Variants in GMDS observed in about 807,000 individuals in gnomAD.
GMDS encodes the protein GDP-mannose 4,6-dehydratase.
In GMDS, 20 loss-of-function variants were observed where a neutral mutation model predicts 49.9. The ratio of observed to expected loss-of-function variants is 0.40; its 90% confidence interval spans 0.28 to 0.58. The LOEUF is 0.58. Among genes scored for constraint, GMDS ranks in the 20% least tolerant of loss-of-function variants. The pLI, the probability that GMDS is intolerant of heterozygous loss-of-function variation, is 0.42. For synonymous variants in GMDS, 177 were observed against 178.6 expected (o/e 0.99, Z 0.07); for missense variants, 362 against 481.4 (o/e 0.75, Z 2.32).
intron 1 of GMDS, among the ~76,000 whole-genome samples, chr6:2,170,435 G>A (rs1052408000): frequency 6.6e-4 from 100 of 152,138 alleles, no homozygotes; most frequent in African/African-American, 2.3e-3. Flanking sequence ...AGACCAGCCT[G>A]AGCAACACAG....
intron 7 of GMDS, among the ~76,000 whole-genome samples, chr6:1,884,060 A>C (rs1361116399): frequency 6.6e-6 from 1 of 152,192 alleles, no homozygotes; most frequent in Admixed American, 6.5e-5. Context: ...TCAGAGCGAG[A>C]GCCTCAATGT....
chr6:2,167,587 T>C (rs984486028), intron 1 of GMDS, among the ~76,000 whole-genome samples: 3 of 152,122 alleles, frequency 2.0e-5, no homozygotes, highest in African/African-American at 7.2e-5. Flanking sequence ...AGACATACGA[T>C]GCCCTTATGA....
intron 7 of GMDS, among the ~76,000 whole-genome samples, chr6:1,769,453 G>C (rs1338288343): frequency 2.0e-5 from 3 of 152,220 alleles, no homozygotes; most frequent in Non-Finnish European, 4.4e-5. Context: ...AGGAAGCACA[G>C]GGATGGAATT....
chr6:2,110,489 T>G (rs1036500394), intron 4 of GMDS, among the ~76,000 whole-genome samples: 1 of 152,114 alleles, frequency 6.6e-6, no homozygotes, highest in Non-Finnish European at 1.5e-5. Context: ...CCTCCTAGAT[T>G]CTAACTTCGT....
At position 1,624,152 on chromosome 6, in the gene GMDS, G is replaced by A; in HGVS notation, c.*17C>T. On this transcript the variant is annotated 3_prime_UTR_variant, in exon 11 of 11. Transcript: ENST00000380815. ...GGGGATTGTAGCCGGAGGGCGGGCC[G>A]GGCTCCGAGGCGCTGCTCAGGCATT... The A allele has an allele frequency of 3.1e-6, 5 of 1,604,454 alleles. No individual in the cohort carries two copies. The highest frequency in any genetic ancestry group is 4.2e-6 in the Non-Finnish European group (5 of 1,178,010).
At chr6:1,959,454 A>T (rs1440360775) in intron 6 of GMDS, among the ~76,000 whole-genome samples, 1 of 152,214 alleles carries the variant, frequency 6.6e-6, no homozygotes, top group East Asian at 1.9e-4. Context: ...AGAATACCAA[A>T]TATCTAACCA....
At chr6:1,779,344 G>C (rs904782709) in intron 7 of GMDS, among the ~76,000 whole-genome samples, 2 of 152,194 alleles carry the variant, frequency 1.3e-5, no homozygotes, top group African/African-American at 2.4e-5. Flanking sequence ...AAGTGCTCCT[G>C]TGGCATCCTG....
chr6:1,794,399 T>G (rs112307213), intron 7 of GMDS, among the ~76,000 whole-genome samples: 2 of 151,878 alleles, frequency 1.3e-5, no homozygotes, highest in Admixed American at 6.6e-5. Flanking sequence ...CAAAGACACA[T>G]GTATATCAGC....
chr6:2,115,705 C>T, intron 4 of GMDS, 66 bp downstream of exon 4: 1 of 824,392 alleles, frequency 1.2e-6, no homozygotes. Flanking sequence ...TGAGAAGCAG[C>T]AGACACAAGT....
intron 9 of GMDS, among the ~76,000 whole-genome samples, chr6:1,670,936 T>G (rs1764401684): frequency 6.6e-6 from 1 of 152,236 alleles, no homozygotes; most frequent in Non-Finnish European, 1.5e-5. Context: ...CATAGTTCCC[T>G]GCTCGCCCGG....
chr6:1,715,213 G>C (rs12111369), intron 9 of GMDS, among the ~76,000 whole-genome samples: 2,599 of 152,320 alleles, frequency 0.017, 78 homozygotes, highest in African/African-American at 0.058. Context: ...AGTGTAAGTT[G>C]TGAGTGAACT....
chr6:2,163,027 T>C (rs145102129), intron 1 of GMDS, among the ~76,000 whole-genome samples: 23 of 152,340 alleles, frequency 1.5e-4, no homozygotes, highest in African/African-American at 2.4e-4. Flanking sequence ...CATTTTCTCA[T>C]TGATCCTTGC....
rs541229271 is a variant in GMDS, at chr6:1,909,495, G to C, written c.771+20608C>G. Among the ~76,000 whole-genome samples the C allele has an allele frequency of 2.0e-5, 3 of 152,324 alleles. No homozygotes were observed. In the East Asian group the frequency reaches 5.8e-4, roughly 29 times the overall value. On this transcript the variant is annotated intron_variant, in intron 7 of 10. Transcript: ENST00000380815. ...CCTGGGATTCTCCGGGTTGCAACAG[G>C]ATCTTGCTGTGAGTGTAAGCTGCCC... is the stretch of plus-strand genomic sequence containing the variant.
intron 1 of GMDS, among the ~76,000 whole-genome samples, chr6:2,175,258 T>C (rs1278892934): frequency 1.3e-5 from 2 of 152,136 alleles, no homozygotes; most frequent in African/African-American, 2.4e-5. Context: ...TTATGCAATA[T>C]AACAACAGTA....
rs138265871 is a variant in GMDS at position 1,797,054 on chromosome 6, G to A, written c.772-54468C>T. ...AGGGACCAGTACCAGTATATGGCCTGTTAGGAACTGGGCCGCAAAGCAGGA... is the reference window on the plus strand; with the variant it reads ...AGGGACCAGTACCAGTATATGGCCTATTAGGAACTGGGCCGCAAAGCAGGA... On this transcript the variant is annotated intron_variant, in intron 7 of 10. Coordinates refer to ENST00000380815, the MANE Select transcript of GMDS (RefSeq NM_001500.4). Among the ~76,000 whole-genome samples, 158 of 152,326 alleles carry A rather than the reference G, an allele frequency of 1.0e-3. 1 individual carries two copies. The East Asian group carries it at 0.023, about 22-fold the overall frequency.
chr6:1,841,648 T>C (rs115909332), intron 7 of GMDS, among the ~76,000 whole-genome samples: 4,217 of 152,222 alleles, frequency 0.028, 186 homozygotes, highest in African/African-American at 0.095. Context: ...TGCACATATA[T>C]CCCTATTTTT....
At chr6:1,773,612 C>T (rs1768673241) in intron 7 of GMDS, among the ~76,000 whole-genome samples, 1 of 152,184 alleles carries the variant, frequency 6.6e-6, no homozygotes, top group Non-Finnish European at 1.5e-5. Flanking sequence ...GGCTCGGAAA[C>T]AGGCCTGTGC....
rs1280241277 is a variant in GMDS at position 1,624,802 on chromosome 6, C to T, written c.988-262G>A. On this transcript the variant is annotated intron_variant, in intron 9 of 10. Coordinates refer to ENST00000380815, the MANE Select transcript of GMDS (RefSeq NM_001500.4). ...CAGCTACCTCCACACCTCTTCTCCCCAAGGCGTCCCTTGGGCTCTTAATGC... is the reference window on the plus strand; with the variant it reads ...CAGCTACCTCCACACCTCTTCTCCCTAAGGCGTCCCTTGGGCTCTTAATGC... 6 of 401,908 alleles carry T rather than the reference C, an allele frequency of 1.5e-5. No individual in the cohort carries two copies. In the East Asian group the frequency reaches 2.0e-4, roughly 13 times the overall value. The allele number at this position is 401,908 out of a possible 1,614,324, so 24.9% of individuals were successfully genotyped here. A position where few individuals can be genotyped will look rare whatever the true frequency, so the allele number is the denominator to read the frequency against.
intron 5 of GMDS, 80 bp from the exon 6 acceptor site, chr6:1,960,051 G>A (rs1161248398): frequency 2.6e-6 from 2 of 767,024 alleles, no homozygotes; most frequent in Non-Finnish European, 4.3e-6. Context: ...GTAACATCTT[G>A]GCCGAAATAA....
Sources: gnomAD v4.1 joint callset for allele counts (sites outside exome capture counted in the v4.1 genomes callset) on GRCh38, gnomAD v4.1.1 for gene constraint, MANE v1.5 for transcripts, NCBI Gene and HGNC (gene_info 2026-07-23, HGNC 2026-07-21) for gene names.